Variants in ENOX2 observed in about 807,000 individuals in gnomAD.
ENOX2 encodes ecto-NOX disulfide-thiol exchanger 2.
A neutral mutation model predicts 45.0 loss-of-function variants in ENOX2; 36 were observed. The ratio of observed to expected loss-of-function variants is 0.80; its 90% CI spans 0.61 to 1.06. The LOEUF (loss-of-function observed/expected upper bound fraction) is 1.06. ENOX2 is among the 50% of genes least tolerant of loss of function. The pLI is 0.00. For missense variants in ENOX2, 423 were observed against 462.5 expected, an observed-to-expected ratio of 0.91 and a Z score of 0.78; for synonymous variants, 174 against 152.3, an observed-to-expected ratio of 1.14 and a Z score of -1.05.
chrX:130,647,737 G>T (rs1273765642), intron 10 of ENOX2, among the ~76,000 whole-genome samples: 2 of 111,144 alleles, frequency 1.8e-5, no homozygotes, highest in East Asian at 5.6e-4. Flanking sequence ...GGAGCAGGGT[G>T]CTAGTTCTAT....
At chrX:130,782,428 G>A (rs976918811) in intron 3 of ENOX2, among the ~76,000 whole-genome samples, 1 of 111,659 alleles carries the variant, frequency 9.0e-6, no homozygotes, top group African/African-American at 3.3e-5. Context: ...ACTCAGGCCA[G>A]TTCCTTGGCT....
chrX:130,873,643 A>G (rs966227976), intron 2 of ENOX2, among the ~76,000 whole-genome samples: 4 of 112,008 alleles, frequency 3.6e-5, no homozygotes, highest in Non-Finnish European at 7.5e-5. Context: ...TGGAACCAAC[A>G]CAAATGCCCA....
chrX:130,878,437 A>G lies in ENOX2; in HGVS notation c.-183+23247T>C, dbSNP rs778660422. Among the ~76,000 whole-genome samples, 8 of 111,437 alleles carry G rather than the reference A, an allele frequency of 7.2e-5. No individual in the cohort carries two copies. In the Admixed American group the frequency reaches 7.6e-4, roughly 11 times the overall value. On this transcript the variant is annotated intron_variant, in intron 2 of 14. Transcript: ENST00000394363. Reference sequence around the variant, plus strand: ...TGGGGAGAGACACTACTGGAATTCCAGGCTCATCCCTCCAGTGGTCATATT... The same window carrying G: ...TGGGGAGAGACACTACTGGAATTCCGGGCTCATCCCTCCAGTGGTCATATT...
intron 6 of ENOX2, among the ~76,000 whole-genome samples, chrX:130,674,888 G>A (rs1275240826): frequency 3.1e-5 from 3 of 95,564 alleles, no homozygotes; most frequent in South Asian, 1.1e-3. Flanking sequence ...TTGTCCTTGT[G>A]ATAGTTTACT....
intron 10 of ENOX2, among the ~76,000 whole-genome samples, chrX:130,649,001 C>T (rs907731977): frequency 1.9e-4 from 18 of 94,969 alleles, no homozygotes; most frequent in Non-Finnish European, 3.5e-4. Context: ...GCCAAGATCG[C>T]GCCACAGCAC....
At chrX:130,857,313 T>C (rs376549950) in intron 2 of ENOX2, among the ~76,000 whole-genome samples, 1 of 112,341 alleles carries the variant, frequency 8.9e-6, no homozygotes, top group South Asian at 3.7e-4. Context: ...AGACTGGAGA[T>C]TGACTGGAAA....
intron 6 of ENOX2, among the ~76,000 whole-genome samples, chrX:130,675,796 A>T (rs1186055320): frequency 8.9e-6 from 1 of 111,737 alleles, no homozygotes; most frequent in Non-Finnish European, 1.9e-5. Context: ...AGACATATTC[A>T]TTATTTTCAT....
chrX:130,686,035 C>T (rs2037440271), intron 5 of ENOX2, among the ~76,000 whole-genome samples: 1 of 111,233 alleles, frequency 9.0e-6, no homozygotes, highest in African/African-American at 3.3e-5. Flanking sequence ...AGAAGCAGAC[C>T]GTATGAGTCC....
At chrX:130,704,804 T>C (rs1163765955) in intron 3 of ENOX2, among the ~76,000 whole-genome samples, 2 of 112,185 alleles carry the variant, frequency 1.8e-5, no homozygotes, top group African/African-American at 6.5e-5. Context: ...ACACAGTGAT[T>C]GATGGCACTA....
At chrX:130,891,369 C>T (rs1198345756) in intron 2 of ENOX2, among the ~76,000 whole-genome samples, 2 of 104,068 alleles carry the variant, frequency 1.9e-5, no homozygotes, top group African/African-American at 7.1e-5. Context: ...TTGTTTGGTC[C>T]AATAAAAGGA....
chrX:130,833,664 C>A (rs12393233), intron 2 of ENOX2, among the ~76,000 whole-genome samples: 3 of 110,476 alleles, frequency 2.7e-5, no homozygotes, highest in Non-Finnish European at 5.7e-5. Flanking sequence ...AAAGGATATC[C>A]GAAAAATGAA....
At chrX:130,815,675 T>A (rs1422908133) in intron 2 of ENOX2, among the ~76,000 whole-genome samples, 6 of 111,529 alleles carry the variant, frequency 5.4e-5, no homozygotes, top group African/African-American at 2.0e-4. Context: ...AGAAATAAAA[T>A]CCTTTAAAGA....
At chrX:130,775,124 G>A (rs778538550) in intron 3 of ENOX2, among the ~76,000 whole-genome samples, 1 of 112,194 alleles carries the variant, frequency 8.9e-6, no homozygotes, top group South Asian at 3.7e-4. Context: ...TATCATGCCT[G>A]TAATCCCAGC....
Position 130,622,389 on chromosome X carries a change from TA to T in ENOX2, c.*2924del, listed in dbSNP as rs111704709. Reference sequence around the variant, plus strand: ...AAAGCATACATTTTGGGGCCAAAATTAAAAAAAAACTCTATATAACTTGAAT... The same window carrying T: ...AAAGCATACATTTTGGGGCCAAAATTAAAAAAAACTCTATATAACTTGAAT... On this transcript the variant is annotated 3_prime_UTR_variant, in exon 15 of 15. Coordinates refer to ENST00000394363, the MANE Select transcript of ENOX2 (RefSeq NM_006375.4). Among the ~76,000 whole-genome samples the T allele has an allele frequency of 2.7e-5, 3 of 110,549 alleles. No homozygotes were observed. Among genetic ancestry groups the T allele is most frequent in the Non-Finnish European group, 3.8e-5 (2 of 52,781 alleles).
At chrX:130,674,261 CA>C (rs1407562914) in intron 6 of ENOX2, among the ~76,000 whole-genome samples, 1 of 108,393 alleles carries the variant, frequency 9.2e-6, no homozygotes, top group Non-Finnish European at 1.9e-5. Context: ...ACTCATGTAA[CA>C]AACTTGCACA....
rs1341613676 is a variant in ENOX2 at position 130,625,376 on chromosome X, C to T, written c.1684G>A (p.Val562Ile). 7 of 1,209,708 alleles carry T rather than the reference C, an allele frequency of 5.8e-6. No homozygotes were observed. The highest frequency in any genetic ancestry group is 7.8e-6 in the Non-Finnish European group (7 of 894,799). ...CATCTCTTTTCCAGGCTGGCTCCAA[C>T]TCCAGTCATTTCCTGCTTGAAGGTA... ...QHTFKQEMTG[V>I]GASLEKRWKF... Residue 562 changes from valine to isoleucine, a missense_variant, in exon 15 of 15, where the codon GTT becomes ATT. Val to Ile is a conservative substitution (Grantham distance 29). Around this residue, in one of 5 missense-constraint regions of ENOX2, gnomAD observed 34 missense variants for 31.3 expected, o/e 1.09. Coordinates refer to ENST00000394363, the MANE Select transcript of ENOX2 (RefSeq NM_006375.4).
chrX:130,708,911 T>C (rs2038109424), intron 3 of ENOX2, among the ~76,000 whole-genome samples: 1 of 112,045 alleles, frequency 8.9e-6, no homozygotes, highest in Non-Finnish European at 1.9e-5. Context: ...TGAAGTATTA[T>C]AATCCTTACA....
At chrX:130,783,896 G>C (rs962512112) in intron 2 of ENOX2, among the ~76,000 whole-genome samples, 2 of 111,969 alleles carry the variant, frequency 1.8e-5, no homozygotes, top group Admixed American at 1.9e-4. Flanking sequence ...CTGTGGCTCT[G>C]TCATTTGTAA....
At chrX:130,889,630 A>G (rs1408934946) in intron 2 of ENOX2, among the ~76,000 whole-genome samples, 1 of 111,696 alleles carries the variant, frequency 9.0e-6, no homozygotes, top group African/African-American at 3.3e-5. Flanking sequence ...AAATGAATCT[A>G]AAGTGAGAGC....
Sources: gnomAD v4.1 joint callset for allele counts (sites outside exome capture counted in the v4.1 genomes callset) on GRCh38, gnomAD v4.1.1 for gene constraint, gnomAD v4.1.1 regional missense constraint, MANE v1.5 for transcripts, NCBI Gene and HGNC (gene_info 2026-07-23, HGNC 2026-07-21) for gene names.